CP: variants seen among roughly 807,000 people sequenced by gnomAD.
CP encodes ceruloplasmin.
CP carries 64 observed loss-of-function variants against 122.4 expected under a neutral mutation model. The observed-to-expected ratio is 0.52, with a 90% CI of 0.43 to 0.64. CP has a LOEUF of 0.64. Among genes scored for constraint, CP ranks in the 30% least tolerant of loss-of-function variants. The pLI is 0.00. For missense variants in CP, 1,167 were observed against 1,284.4 expected (o/e 0.91, Z 1.40); for synonymous variants, 440 against 436.4 (o/e 1.01, Z -0.10).
intron 11 of CP, 105 bp downstream of exon 11, chr3:149,186,415 G>A: frequency 9.2e-7 from 1 of 1,084,364 alleles, no homozygotes; most frequent in Non-Finnish European, 1.4e-6. Flanking sequence ...CACTTCAGAG[G>A]CTTGGGGAAG....
intron 1 of CP, among the ~76,000 whole-genome samples, chr3:149,218,731 G>A (rs1242430478): frequency 1.3e-5 from 2 of 152,002 alleles, no homozygotes; most frequent in Non-Finnish European, 2.9e-5. Flanking sequence ...AACTTATTCA[G>A]AAATATTTAT....
chr3:149,179,262 G>T (rs1172935693), intron 15 of CP, among the ~76,000 whole-genome samples: 1 of 152,060 alleles, frequency 6.6e-6, no homozygotes, highest in Non-Finnish European at 1.5e-5. Context: ...GATCTGAAAT[G>T]CAAATATACT....
At chr3:149,168,592 T>A (rs1724666090), downstream of CP, 3 of 152,358 alleles carry the variant, frequency 2.0e-5, 1 homozygote, top group South Asian at 6.2e-4. Context: ...ATTGACAGTG[T>A]TGAAATTGTG....
At chr3:149,190,008 G>A (rs1170747441) in intron 9 of CP, among the ~76,000 whole-genome samples, 2 of 152,036 alleles carry the variant, frequency 1.3e-5, no homozygotes, top group Admixed American at 1.3e-4. Context: ...AATCTGAAAA[G>A]CTTTTTATCT....
At chr3:149,169,407 A>G (rs1185758351), downstream of CP, among the ~76,000 whole-genome samples, 1 of 152,198 alleles carries the variant, frequency 6.6e-6, no homozygotes, top group Non-Finnish European at 1.5e-5. Context: ...TCAGGACTGA[A>G]TCAAAAGTTA....
chr3:149,172,402 G>A, downstream of CP: 1 of 546,206 alleles, frequency 1.8e-6, no homozygotes, highest in Non-Finnish European at 3.3e-6. Context: ...CCGTGTAGTG[G>A]TAACTATTCA....
At chr3:149,199,468 G>A (rs1197581397) in intron 8 of CP, among the ~76,000 whole-genome samples, 1 of 152,038 alleles carries the variant, frequency 6.6e-6, no homozygotes, top group Admixed American at 6.6e-5. Context: ...ATGTATAATT[G>A]ATACAACCCA....
chr3:149,180,055 C>T (rs1440332558), intron 14 of CP: 1 of 268,290 alleles, frequency 3.7e-6, no homozygotes, highest in African/African-American at 2.2e-5. Context: ...GTGGCTGGCA[C>T]CTTTCCCGTA....
At position 149,176,285 on chromosome 3, in the gene CP, C is replaced by G; in HGVS notation, c.3146G>C (p.Gly1049Ala). 1 of 1,612,996 alleles carries G rather than the reference C, an allele frequency of 6.2e-7. No homozygotes were observed. Among genetic ancestry groups the G allele is most frequent in the Non-Finnish European group, 8.5e-7 (1 of 1,179,664 alleles). The change falls in exon 18 of 19, where the codon GGA becomes GCA. Residue 1049 changes from glycine (G) to alanine (A), a missense_variant. Transcript: ENST00000264613. ...TAGAACGGTGTAAGTGGTTTCCATT[C>G]CAGCATGAATGTGGTCGGTCACATG... is the stretch of plus-strand genomic sequence containing the variant. ...HCHVTDHIHA[G>A]METTYTVLQN... is the part of the protein sequence containing the mutation.
intron 6 of CP, among the ~76,000 whole-genome samples, chr3:149,204,264 T>C (rs940107195): frequency 1.3e-5 from 2 of 152,138 alleles, no homozygotes; most frequent in Non-Finnish European, 2.9e-5. Context: ...CTCTGGCAGA[T>C]GTTTGGAGAA....
chr3:149,172,156 A>T, downstream of CP: 2 of 1,613,136 alleles, frequency 1.2e-6, no homozygotes, highest in Non-Finnish European at 1.7e-6. Flanking sequence ...TTCTCCCAGA[A>T]GATGGTACTG....
At chr3:149,179,953 T>C (rs982497097) in intron 14 of CP, 5 of 346,274 alleles carry the variant, frequency 1.4e-5, no homozygotes, top group African/African-American at 1.0e-4. Flanking sequence ...ATATTACAAT[T>C]TGAAAAAACT....
exon 6 of CP, chr3:149,162,636 T>C: frequency 2.5e-6 from 4 of 1,568,900 alleles, no homozygotes; most frequent in Non-Finnish European, 2.6e-6. Flanking sequence ...CAGCTGTCGC[T>C]TTATCAGTGC....
intron 4 of CP, among the ~76,000 whole-genome samples, chr3:149,208,711 G>C (rs1343012123): frequency 6.6e-6 from 1 of 152,088 alleles, no homozygotes; most frequent in Non-Finnish European, 1.5e-5. Context: ...TGTAAAAAAA[G>C]CATTTCTAGA....
In CP at chr3:149,162,843, C is replaced by T; in HGVS notation, c.*46G>A. ...CTGGAGATTGTCTAAGAGGCAGCCT[C>T]CTGACACCACACCATTGCGAACATC... is the stretch of plus-strand genomic sequence containing the variant. On this transcript the variant is annotated 3_prime_UTR_variant, in exon 6 of 6. Transcript: ENST00000479771. 2 of 1,613,992 alleles carry T rather than the reference C, an allele frequency of 1.2e-6. No individual in the cohort carries two copies. Among genetic ancestry groups the T allele is most frequent in the Admixed American group, 1.7e-5 (1 of 59,978 alleles).
intron 1 of CP, chr3:149,217,723 T>C (rs772196465): frequency 5.3e-6 from 1 of 187,416 alleles, no homozygotes; most frequent in Non-Finnish European, 1.1e-5. Context: ...TTTAAAAATA[T>C]TTTATTTGCT....
intron 7 of CP, among the ~76,000 whole-genome samples, chr3:149,201,752 C>CG (rs1040569643): frequency 6.6e-6 from 1 of 152,044 alleles, no homozygotes; most frequent in Admixed American, 6.5e-5. Flanking sequence ...CGTGCCACCA[C>CG]GCCCTGCTAA....
chr3:149,218,809 T>C (rs185865087), intron 1 of CP, among the ~76,000 whole-genome samples: 37 of 152,344 alleles, frequency 2.4e-4, no homozygotes, highest in African/African-American at 7.9e-4. Flanking sequence ...ATACTAGTAC[T>C]CTCAATGCAT....
At chr3:149,210,033 C>T in intron 3 of CP, 134 bp downstream of exon 3, 1 of 809,360 alleles carries the variant, frequency 1.2e-6, no homozygotes. Context: ...TCTTCCCTTC[C>T]TTTTTTTCTA....
Sources: allele counts gnomAD v4.1 joint callset (sites outside exome capture counted in the v4.1 genomes callset), GRCh38; gene constraint gnomAD v4.1.1; transcripts MANE v1.5; gene names NCBI Gene and HGNC (gene_info 2026-07-23, HGNC 2026-07-21).